The following ZNF839 variants were observed in gnomAD, a reference collection of about 807,000 sequenced individuals.
The protein encoded by ZNF839 is zinc finger protein 839.
A neutral mutation model predicts 56.4 loss-of-function variants in ZNF839; 38 were observed. That is an observed-to-expected ratio of 0.67 (90% CI 0.52 to 0.88). The LOEUF (loss-of-function observed/expected upper bound fraction) is 0.88, where lower values mean the gene tolerates loss of function less well. Among genes scored for constraint, ZNF839 ranks in the 40% least tolerant of loss-of-function variants. The probability of loss-of-function intolerance (pLI) is 0.00; values close to 1 mark genes in which losing one functional copy is unlikely to be tolerated. For missense variants in ZNF839, 1,091 were observed against 1,177.6 expected (o/e 0.93, Z 1.08); for synonymous variants, 486 against 493.5 (o/e 0.98, Z 0.20).
At chr14:102,335,939 G>GACTAC in intron 5 of ZNF839, 101 bp downstream of exon 5, 1 of 1,362,744 alleles carries the variant, frequency 7.3e-7, no homozygotes, top group Non-Finnish European at 1.0e-6. Context: ...AGTGCTTTGG[G>GACTAC]AGACTGAGGC....
At chr14:102,328,368 AAAAAAAAATATATATATAT>A (rs1162300076) in intron 2 of ZNF839, among the ~76,000 whole-genome samples, 108 of 51,448 alleles carry the variant, frequency 2.1e-3, no homozygotes, top group African/African-American at 8.6e-3. Context: ...AAAAAAAAAA[AAAAAAAAATATATATATAT>A]ATATATATAT....
chr14:102,323,228 C>G (rs1005833032), intron 1 of ZNF839, among the ~76,000 whole-genome samples: 1 of 152,214 alleles, frequency 6.6e-6, no homozygotes, highest in African/African-American at 2.4e-5. Flanking sequence ...ATTGTCAGGA[C>G]TCGGGATCAC....
intron 2 of ZNF839, among the ~76,000 whole-genome samples, chr14:102,327,123 G>A (rs899048803): frequency 1.3e-5 from 2 of 151,864 alleles, no homozygotes; most frequent in Non-Finnish European, 2.9e-5. Flanking sequence ...GGAACAAGGG[G>A]CAGGGGGAGG....
intron 1 of ZNF839, among the ~76,000 whole-genome samples, chr14:102,321,677 C>G (rs1425732766): frequency 3.3e-5 from 5 of 152,162 alleles, no homozygotes; most frequent in Non-Finnish European, 7.3e-5. Flanking sequence ...ACCCAGATAA[C>G]TTCTAGTCAA....
intron 6 of ZNF839, 59 bp from the exon 7 acceptor site, chr14:102,339,035 A>G (rs367559757): frequency 3.1e-6 from 5 of 1,613,276 alleles, no homozygotes; most frequent in East Asian, 2.2e-5. Context: ...CACCAGGAAG[A>G]GGAGGTAGCG....
At chr14:102,335,616 T>C in intron 4 of ZNF839, 73 bp from the exon 5 acceptor site, 1 of 1,467,454 alleles carries the variant, frequency 6.8e-7, no homozygotes, top group South Asian at 1.3e-5. Flanking sequence ...AAACTTTGTT[T>C]AGATTTTCTT....
At chr14:102,340,920 A>T (rs930232339) in intron 7 of ZNF839, among the ~76,000 whole-genome samples, 2 of 152,100 alleles carry the variant, frequency 1.3e-5, no homozygotes, top group East Asian at 3.9e-4. Flanking sequence ...AAATACAAAA[A>T]TTAGCTGGGC....
intron 7 of ZNF839, 119 bp from the exon 8 acceptor site, chr14:102,341,204 C>T (rs565297200): frequency 1.5e-5 from 19 of 1,230,674 alleles, no homozygotes; most frequent in East Asian, 7.5e-5. Context: ...CAAGGAGCAT[C>T]GATGCTTTGA....
chr14:102,325,598 G>A (rs138770632), intron 1 of ZNF839, among the ~76,000 whole-genome samples: 6,237 of 151,882 alleles, frequency 0.041, 411 homozygotes, highest in African/African-American at 0.14. Flanking sequence ...GGGTTCAAGC[G>A]ATTCTCATGC....
At position 102,319,914 on chromosome 14, in the gene ZNF839, A is replaced by T; in HGVS notation, c.149A>T (p.Lys50Met). 1 of 1,150,730 alleles carries T rather than the reference A, an allele frequency of 8.7e-7. No individual in the cohort carries two copies. Among genetic ancestry groups the T allele is most frequent in the Non-Finnish European group, 1.1e-6 (1 of 930,666 alleles). The allele number at this position is 1,150,730 out of a possible 1,614,324, so 71.3% of individuals were successfully genotyped here. A position where few individuals can be genotyped will look rare whatever the true frequency, so the allele number is the denominator to read the frequency against. Residue 50 changes from lysine to methionine, a missense_variant, in exon 1 of 8, where the codon AAG becomes ATG. Physicochemically the swap from Lys to Met is moderately conservative, Grantham distance 95 (BLOSUM62 -1). This residue lies in a region of ZNF839 where 614 missense variants were observed against 629.2 expected (regional missense o/e 0.98). Transcript: ENST00000442396. This position sits in a 1 kb window ranked among gnomAD's most constrained non-coding sequence, Gnocchi z 4.5. ...QLRQVLEQVT[K>M]AQPPPPPPPF... is the part of the protein sequence containing the mutation. ...CGGCAGGTCCTGGAGCAGGTGACGAAGGCGCAGCCGCCGCCGCCGCCGCCC... is the reference window on the plus strand; with the variant it reads ...CGGCAGGTCCTGGAGCAGGTGACGATGGCGCAGCCGCCGCCGCCGCCGCCC...
chr14:102,319,947 TGCTGCGGGACGCGGCGCGGCG>T lies in ZNF839; in HGVS notation c.198_218del (p.Arg67_Ala73del), dbSNP rs751224829. 4.2e-3 allele frequency: 4,912 copies of T among 1,182,504 alleles called. 37 individuals carry two copies. The highest frequency in any genetic ancestry group is 7.9e-3 in the Admixed American group (171 of 21,606). The allele number at this position is 1,182,504 out of a possible 1,614,324, so 73.3% of individuals were successfully genotyped here. On this transcript the variant is annotated inframe_deletion, in exon 1 of 8. Coordinates refer to ENST00000442396, the MANE Select transcript of ZNF839 (RefSeq NM_018335.6). This position sits in a 1 kb window ranked among gnomAD's most constrained non-coding sequence, Gnocchi z 4.5. ...CCGCCGCCGCCGCCGCCCCCCTTCG[TGCTGCGGGACGCGGCGCGGCG>T]GCTGCGGGACGCGGCCCAACAGGCC...
Position 102,326,934 on chromosome 14 carries a change from G to A in ZNF839, c.1191+47G>A. On this transcript the variant is annotated intron_variant, in intron 2 of 7. Coordinates refer to ENST00000442396, the MANE Select transcript of ZNF839 (RefSeq NM_018335.6). This position sits in a 1 kb window ranked among gnomAD's most constrained non-coding sequence, Gnocchi z 4.3. ...GTGTCTTTTTATTTGGCCGTTCTCGGATTGCTATAAAGAAATACCTGAGAC... is the reference window on the plus strand; with the variant it reads ...GTGTCTTTTTATTTGGCCGTTCTCGAATTGCTATAAAGAAATACCTGAGAC... 3 of 1,506,178 alleles carry A rather than the reference G, an allele frequency of 2.0e-6. No individual in the cohort carries two copies. The highest frequency in any genetic ancestry group is 2.7e-6 in the Non-Finnish European group (3 of 1,127,268). The allele number at this position is 1,506,178 out of a possible 1,614,324, so 93.3% of individuals were successfully genotyped here.
Position 102,321,519 on chromosome 14 carries a change from G to T in ZNF839, c.288+1466G>T, listed in dbSNP as rs539541402. 2.6e-5 allele frequency among the ~76,000 whole-genome samples: 4 copies of T among 152,314 alleles called. No individual in the cohort carries two copies. The South Asian group carries it at 8.3e-4, about 32-fold the overall frequency. On this transcript the variant is annotated intron_variant, in intron 1 of 7. Transcript: ENST00000442396. ...ATTTTGTAGCTAATCTAATGGAGAC[G>T]ATATAAATTCTACCTGCAATAATAT... is the stretch of plus-strand genomic sequence containing the variant.
At chr14:102,328,047 A>G (rs1415960512) in intron 2 of ZNF839, among the ~76,000 whole-genome samples, 1 of 151,880 alleles carries the variant, frequency 6.6e-6, no homozygotes, top group Non-Finnish European at 1.5e-5. Context: ...TCACATCAAA[A>G]AATTTTTTTC....
At position 102,339,185 on chromosome 14, in the gene ZNF839, G is replaced by A; in HGVS notation, c.1889G>A (p.Gly630Asp). Residue 630 changes from glycine to aspartate, a missense_variant, in exon 7 of 8, where the codon GGC (glycine) becomes GAC (aspartate). Transcript: ENST00000442396. ...TTESLAANSR[G>D]REKPRPLHAL... is the part of the protein sequence containing the mutation. ...GAATCTCTTGCTGCCAACAGCAGAG[G>A]CCGGGAGAAGCCCAGGCCCTTGCAT... 1.2e-6 allele frequency: 2 copies of A among 1,612,192 alleles called. No homozygotes were observed. Among genetic ancestry groups the A allele is most frequent in the South Asian group, 1.1e-5 (1 of 90,730 alleles).
chr14:102,328,079 G>A lies in ZNF839; in HGVS notation c.1191+1192G>A, dbSNP rs924493150. ...TTTCTAAAATATTTTATTGAGCCGG[G>A]TGCAGTGGCTCACACCTGTAATCCC... On this transcript the variant is annotated intron_variant, in intron 2 of 7. Transcript: ENST00000442396. Among the ~76,000 whole-genome samples, 22 of 151,950 alleles carry A rather than the reference G, an allele frequency of 1.4e-4. 1 individual carries two copies. The highest frequency in any genetic ancestry group is 3.4e-3 in the Middle Eastern group (1 of 294).
intron 7 of ZNF839, 118 bp from the exon 8 acceptor site, chr14:102,341,205 G>A (rs1886479059): frequency 2.4e-6 from 3 of 1,241,492 alleles, no homozygotes; most frequent in East Asian, 2.5e-5. Flanking sequence ...AAGGAGCATC[G>A]ATGCTTTGAC....
rs75766619 is a variant in ZNF839, at chr14:102,326,710, C to T, written c.1014C>T (p.His338=). The T allele has an allele frequency of 5.1e-3, 8,258 of 1,612,712 alleles. 36 individuals are homozygous for T. The highest frequency in any genetic ancestry group is 0.01 in the Middle Eastern group (61 of 5,978). The stretch of plus-strand genomic sequence containing the variant: ...GACATTTTAAACTTAACCCAGGCCA[C>T]GGCCAGTTGGACCCCGAGATGGTGC... The part of the protein sequence containing the change: ...LARHFKLNPG[H]GQLDPEMVLS... Residue 338 remains histidine, a synonymous_variant, in exon 2 of 8, where the codon CAC becomes CAT. Coordinates refer to ENST00000442396, the MANE Select transcript of ZNF839 (RefSeq NM_018335.6). This position sits in a 1 kb window ranked among gnomAD's most constrained non-coding sequence, Gnocchi z 4.3.
intron 1 of ZNF839, among the ~76,000 whole-genome samples, chr14:102,322,536 C>G (rs1376886707): frequency 1.3e-5 from 2 of 152,154 alleles, no homozygotes; most frequent in Non-Finnish European, 2.9e-5. Flanking sequence ...TATCCTCAAA[C>G]AGTAGGGTTT....
Sources: allele counts gnomAD v4.1 joint callset (sites outside exome capture counted in the v4.1 genomes callset), GRCh38; gene constraint gnomAD v4.1.1; regional missense constraint gnomAD v4.1.1; non-coding constraint Gnocchi (gnomAD v3.1); transcripts MANE v1.5; gene names NCBI Gene and HGNC (gene_info 2026-07-23, HGNC 2026-07-21).